The following NOXA1 variants were observed in gnomAD, a reference collection of about 807,000 sequenced individuals.
The protein encoded by NOXA1 is NCF2-like protein.
NOXA1 carries 56 observed loss-of-function variants against 64.8 expected under a neutral mutation model. That is an observed-to-expected ratio of 0.86 (90% confidence interval 0.70 to 1.08). The LOEUF (loss-of-function observed/expected upper bound fraction) is 1.08. Ranked by LOEUF, NOXA1 falls within the 50% of genes least tolerant of loss-of-function variation. The pLI, the probability that NOXA1 is intolerant of heterozygous loss-of-function variation, is 0.00. For synonymous variants in NOXA1, 295 were observed against 294.8 expected (o/e 1.00, Z -0.01); for missense variants, 668 against 658.5 (o/e 1.01, Z -0.16).
At chr9:137,423,738 G>T in intron 1 of NOXA1, 32 bp downstream of exon 1, 3 of 1,241,594 alleles carry the variant, frequency 2.4e-6, no homozygotes, top group South Asian at 6.1e-5. Flanking sequence ...CGGTGCGGGC[G>T]ACGCCTCCGC....
chr9:137,423,639 C>T lies in NOXA1; in HGVS notation c.110C>T (p.Pro37Leu). 1 of 1,434,504 alleles carries T rather than the reference C, an allele frequency of 7.0e-7. No homozygotes were observed. The highest frequency in any genetic ancestry group is 3.1e-5 in the East Asian group (1 of 32,352). The allele number at this position is 1,434,504 out of a possible 1,614,324, so 88.9% of individuals were successfully genotyped here. ...CTCTTCTCGGGCGTCCCGGCGCCGC[C>T]CGCCAGGCTGTGCTTCAACGCGGGC... Reference protein sequence around the residue: ...LHLFSGVPAPPARLCFNAGCV... With the variant: ...LHLFSGVPAPLARLCFNAGCV... The change falls in exon 1 of 14, where the codon CCC becomes CTC. Residue 37 changes from proline to leucine, a missense_variant. Pro to Leu is a moderately conservative substitution (Grantham distance 98). Transcript: ENST00000683555.
In NOXA1 at chr9:137,433,759, C is replaced by T; in HGVS notation, c.1074C>T (p.Ala358=). 3 of 1,458,704 alleles carry T rather than the reference C, an allele frequency of 2.1e-6. No homozygotes were observed. The highest frequency in any genetic ancestry group is 1.4e-5 in the South Asian group (1 of 70,292). 90.4% of individuals were successfully genotyped at this position (1,458,704 alleles called of 1,614,324 possible). Residue 358 remains alanine (A), a synonymous_variant, in exon 12 of 14, where the codon GCC becomes GCT. Transcript: ENST00000683555. ...AGGAATCTCTTTGCAGTTACCTAGC[C>T]CCAGGTGAGGACGGGCACTGGGTCC... is the stretch of plus-strand genomic sequence containing the variant. ...QAQLGQLSYL[A]PGEDGHWVPI...
intron 5 of NOXA1, among the ~76,000 whole-genome samples, chr9:137,430,421 T>TGC (rs955418515): frequency 1.3e-5 from 2 of 152,160 alleles, no homozygotes; most frequent in African/African-American, 4.8e-5. Context: ...TCACCTGCGC[T>TGC]GCGCCACGGC....
In NOXA1 at chr9:137,423,554, C is replaced by T. The variant is rs1471545145; in HGVS notation, c.25C>T (p.Arg9Cys). ...CATGGCCTCTCTGGGGGACCTGGTG[C>T]GCGCCTGGCACCTGGGCGCGCAGGC... MASLGDLV[R>C]AWHLGAQAVD... Residue 9 changes from arginine to cysteine, a missense_variant, in exon 1 of 14, where the codon CGC becomes TGC. Physicochemically the swap from Arg to Cys is radical, Grantham distance 180. Transcript: ENST00000683555. 1.4e-6 allele frequency: 2 copies of T among 1,445,698 alleles called. No individual in the cohort carries two copies. Among genetic ancestry groups the T allele is most frequent in the South Asian group, 1.4e-5 (1 of 70,896 alleles). 89.6% of individuals were successfully genotyped at this position (1,445,698 alleles called of 1,614,324 possible).
At chr9:137,425,204 C>T (rs1052862699) in intron 1 of NOXA1, among the ~76,000 whole-genome samples, 11 of 152,198 alleles carry the variant, frequency 7.2e-5, no homozygotes, top group African/African-American at 2.7e-4. Flanking sequence ...AGCACCCTTC[C>T]TGTCACACAC....
At chr9:137,430,326 A>T (rs1158731136) in intron 5 of NOXA1, among the ~76,000 whole-genome samples, 5 of 147,114 alleles carry the variant, frequency 3.4e-5, no homozygotes, top group Admixed American at 6.8e-5. Flanking sequence ...GAGAAGAAGA[A>T]CTCCTGGTGG....
chr9:137,433,401 G>A, intron 10 of NOXA1, 52 bp from the exon 11 acceptor site: 1 of 1,553,926 alleles, frequency 6.4e-7, no homozygotes, highest in African/African-American at 1.4e-5. Context: ...AGACGGCCCT[G>A]ACCAGGCCCT....
rs886911006 is a variant in NOXA1, at chr9:137,433,191, G to A, written c.851-14G>A. 1 of 1,609,298 alleles carries A rather than the reference G, an allele frequency of 6.2e-7. No homozygotes were observed. The highest frequency in any genetic ancestry group is 8.5e-7 in the Non-Finnish European group (1 of 1,178,480). On this transcript the variant is annotated splice_polypyrimidine_tract_variant and intron_variant, in intron 9 of 13. Coordinates refer to ENST00000683555, the MANE Select transcript of NOXA1 (RefSeq NM_001256067.2). ...TGGTGGTAGTGGCTGTGTCAGTCTT[G>A]CTCTGTCCTACAGGGCTGCCGGCAA...
At chr9:137,423,894 C>T (rs1193583650) in intron 1 of NOXA1, among the ~76,000 whole-genome samples, 188 bp downstream of exon 1, 1 of 152,060 alleles carries the variant, frequency 6.6e-6, no homozygotes, top group East Asian at 1.9e-4. Context: ...GGGGGCGCGG[C>T]GGTCACCGGG....
Position 137,433,180 on chromosome 9 carries a change from GTGTCAGTCT to G in NOXA1, c.851-22_851-14del, listed in dbSNP as rs1174272105. 1 of 1,609,726 alleles carries G rather than the reference GTGTCAGTCT, an allele frequency of 6.2e-7. No individual in the cohort carries two copies. The highest frequency in any genetic ancestry group is 1.1e-5 in the South Asian group (1 of 90,718). ...AGGGCCCACTTTGGTGGTAGTGGCT[GTGTCAGTCT>G]TGCTCTGTCCTACAGGGCTGCCGGC... On this transcript the variant is annotated splice_polypyrimidine_tract_variant and intron_variant, in intron 9 of 13. Transcript: ENST00000683555.
At position 137,423,453 on chromosome 9, in the gene NOXA1, C is replaced by T; in HGVS notation, c.-77C>T. 2.9e-6 allele frequency: 3 copies of T among 1,022,748 alleles called. No homozygotes were observed. The highest frequency in any genetic ancestry group is 3.7e-6 in the Non-Finnish European group (3 of 809,792). 63.4% of individuals were successfully genotyped at this position (1,022,748 alleles called of 1,614,324 possible). A position where few individuals can be genotyped will look rare whatever the true frequency, so the allele number is the denominator to read the frequency against. On this transcript the variant is annotated 5_prime_UTR_variant, in exon 1 of 14. Transcript: ENST00000683555. ...CTGCCCGCCTCGGAGACCCCGCAGCCCCGCGCCGCCGCCTGGCCCCGGCCC... is the reference window on the plus strand; with the variant it reads ...CTGCCCGCCTCGGAGACCCCGCAGCTCCGCGCCGCCGCCTGGCCCCGGCCC...
intron 10 of NOXA1, 79 bp from the exon 11 acceptor site, chr9:137,433,374 C>T: frequency 6.0e-6 from 9 of 1,510,704 alleles, no homozygotes; most frequent in Non-Finnish European, 8.0e-6. Flanking sequence ...AGTCTCTGTC[C>T]ACACCCCTCG....
At chr9:137,428,210 A>T in intron 3 of NOXA1, 69 bp downstream of exon 3, 1 of 1,161,308 alleles carries the variant, frequency 8.6e-7, no homozygotes, top group Non-Finnish European at 1.2e-6. Context: ...CTGTCACAGG[A>T]GGGCCCTGTG....
intron 11 of NOXA1, 28 bp downstream of exon 11, chr9:137,433,635 G>A (rs369209957): frequency 2.8e-4 from 423 of 1,531,804 alleles, no homozygotes; most frequent in Non-Finnish European, 3.6e-4. Context: ...CGGTGGCTGC[G>A]GTGGAGCTGG....
chr9:137,431,879 A>G lies in NOXA1; in HGVS notation c.804+538A>G, dbSNP rs772917185. On this transcript the variant is annotated intron_variant, in intron 8 of 13. Transcript: ENST00000683555. The surrounding 1 kb of genome is among the most constrained non-coding windows in gnomAD (Gnocchi z 5.6). ...CTGCTGCAGGATCCGGGAGGCCCAG[A>G]GAAGGCACCTGCATTTCACGCTGAG... Among the ~76,000 whole-genome samples the G allele has an allele frequency of 7.9e-5, 12 of 152,170 alleles. No homozygotes were observed. The highest frequency in any genetic ancestry group is 1.8e-4 in the Non-Finnish European group (12 of 68,014).
rs1343562069 is a variant in NOXA1, at chr9:137,431,073, A to G, written c.673-2A>G. ...AGCGAGGTTGTTGCTTTGTGTCCAC[A>G]GGGACCAGGAGCGAACCATGATGCC... On this transcript the variant is annotated splice_acceptor_variant, in intron 6 of 13. Coordinates refer to ENST00000683555, the MANE Select transcript of NOXA1 (RefSeq NM_001256067.2). LOFTEE classifies it high-confidence loss of function. This position sits in a 1 kb window ranked among gnomAD's most constrained non-coding sequence, Gnocchi z 5.6. 5.6e-6 allele frequency: 9 copies of G among 1,613,304 alleles called. No homozygotes were observed. The highest frequency in any genetic ancestry group is 2.2e-5 in the South Asian group (2 of 91,092).
In NOXA1 at chr9:137,431,218, C is replaced by T; in HGVS notation, c.699-18C>T. 1 of 1,607,312 alleles carries T rather than the reference C, an allele frequency of 6.2e-7. No homozygotes were observed. The highest frequency in any genetic ancestry group is 1.1e-5 in the South Asian group (1 of 90,804). On this transcript the variant is annotated intron_variant, in intron 7 of 13. Coordinates refer to ENST00000683555, the MANE Select transcript of NOXA1 (RefSeq NM_001256067.2). The surrounding 1 kb of genome is among the most constrained non-coding windows in gnomAD (Gnocchi z 5.6). ...CAGTCAGATGGGCAGGGCCTGAGAG[C>T]CTCCCTCCTCTCCCTAGGTCCCTAA...
At chr9:137,423,808 C>A in intron 1 of NOXA1, 102 bp downstream of exon 1, 1 of 996,164 alleles carries the variant, frequency 1.0e-6, no homozygotes, top group Non-Finnish European at 1.3e-6. Context: ...CGCCCTGCCG[C>A]CCCCGACCCA....
chr9:137,424,820 T>C (rs2131869303), intron 1 of NOXA1, among the ~76,000 whole-genome samples: 1 of 152,338 alleles, frequency 6.6e-6, no homozygotes, highest in Non-Finnish European at 1.5e-5. Context: ...AAATCCTATG[T>C]CCGGGGCTAA....
Sources: gnomAD v4.1 joint callset for allele counts (sites outside exome capture counted in the v4.1 genomes callset) on GRCh38, gnomAD v4.1.1 for gene constraint, Gnocchi (gnomAD v3.1) non-coding constraint, MANE v1.5 for transcripts, NCBI Gene and HGNC (gene_info 2026-07-23, HGNC 2026-07-21) for gene names.